The following VEGFB variants were observed in gnomAD, a reference collection of about 807,000 sequenced individuals.
The protein encoded by VEGFB is VEGF-related factor.
Under a neutral mutation model 22.5 loss-of-function variants are expected in VEGFB, and 24 were observed. The ratio of observed to expected loss-of-function variants is 1.07; its 90% confidence interval spans 0.77 to 1.50. VEGFB has a LOEUF of 1.50. Ranked by LOEUF, VEGFB falls within the 40% of genes most tolerant of loss-of-function variation. The pLI is 0.00. For missense variants in VEGFB, 327 were observed against 287.8 expected (o/e 1.14, Z -0.99); for synonymous variants, 141 against 117.4 (o/e 1.20, Z -1.30).
At chr11:64,235,330 CAG>C (rs1473899761) in intron 1 of VEGFB, 126 bp from the exon 2 acceptor site, 1 of 918,788 alleles carries the variant, frequency 1.1e-6, no homozygotes, top group Non-Finnish European at 1.7e-6. Flanking sequence ...GCCGCAGGAA[CAG>C]AGCAATCTGG....
In VEGFB at chr11:64,235,806, C is replaced by T. The variant is rs2029962455; in HGVS notation, c.104-7C>T. 2.5e-6 allele frequency: 4 copies of T among 1,613,634 alleles called. No homozygotes were observed. Among genetic ancestry groups the T allele is most frequent in the East Asian group, 2.2e-5 (1 of 44,894 alleles). On this transcript the variant is annotated splice_region_variant and splice_polypyrimidine_tract_variant and intron_variant, in intron 2 of 6. Transcript: ENST00000309422. Reference sequence around the variant, plus strand: ...TGAGGACTTAACCCCTACCGGTCTGCTCCCAGTGGTGTCATGGATAGATGT... The same window carrying T: ...TGAGGACTTAACCCCTACCGGTCTGTTCCCAGTGGTGTCATGGATAGATGT...
rs59541656 is a variant in VEGFB, at chr11:64,237,085, A to AAGAGAG, written c.375-69_375-64dup. ...GCAAGAAGAGGGAAACACAGTCTCAAAGAGAGAGAGAGAGAGAGAGAGAGA... is the reference window on the plus strand; with the variant it reads ...GCAAGAAGAGGGAAACACAGTCTCAAAGAGAGAGAGAGAGAGAGAGAGAGAGAGAGA... On this transcript the variant is annotated intron_variant, in intron 4 of 6. Coordinates refer to ENST00000309422, the MANE Select transcript of VEGFB (RefSeq NM_003377.5). 343 of 604,476 alleles carry AAGAGAG rather than the reference A, an allele frequency of 5.7e-4. 3 individuals are homozygous for AAGAGAG. In the African/African-American group the frequency reaches 7.2e-3, roughly 13 times the overall value. 37.4% of individuals were successfully genotyped at this position (604,476 alleles called of 1,614,324 possible).
At chr11:64,236,824 A>G (rs1462756968) in intron 4 of VEGFB, among the ~76,000 whole-genome samples, 3 of 149,086 alleles carry the variant, frequency 2.0e-5, no homozygotes, top group African/African-American at 7.3e-5. Flanking sequence ...CACACCTATA[A>G]TCCCAGCACT....
intron 4 of VEGFB, among the ~76,000 whole-genome samples, chr11:64,236,971 T>A (rs1017011570): frequency 1.4e-5 from 2 of 147,462 alleles, no homozygotes; most frequent in East Asian, 2.1e-4. Context: ...TAATCCCAGC[T>A]ACTTGGGAGG....
chr11:64,235,787 CT>C (rs749733450), intron 2 of VEGFB, 25 bp from the exon 3 acceptor site: 8 of 1,612,844 alleles, frequency 5.0e-6, no homozygotes, highest in African/African-American at 2.7e-5. Flanking sequence ...CCAGTGAGGA[CT>C]TAACCCCTAC....
intron 3 of VEGFB, 22 bp from the exon 4 acceptor site, chr11:64,236,232 C>T (rs201445943): frequency 3.7e-6 from 6 of 1,612,746 alleles, no homozygotes; most frequent in East Asian, 2.2e-5. Flanking sequence ...CACTGTCCCC[C>T]CTGTTCTTCT....
At position 64,236,617 on chromosome 11, in the gene VEGFB, T is replaced by C. The variant is rs1388369480; in HGVS notation, c.374+290T>C. On this transcript the variant is annotated intron_variant, in intron 4 of 6. Coordinates refer to ENST00000309422, the MANE Select transcript of VEGFB (RefSeq NM_003377.5). Reference sequence around the variant, plus strand: ...CTGTAGTCCCAGCTACTCCGGAGGCTGAGGCAGGAGAATGGCATGAACCTG... The same window carrying C: ...CTGTAGTCCCAGCTACTCCGGAGGCCGAGGCAGGAGAATGGCATGAACCTG... Among the ~76,000 whole-genome samples, 3 of 147,744 alleles carry C rather than the reference T, an allele frequency of 2.0e-5. No homozygotes were observed. In the East Asian group the frequency reaches 6.0e-4, roughly 30 times the overall value.
intron 3 of VEGFB, 44 bp from the exon 4 acceptor site, chr11:64,236,208 TTC>T: frequency 3.1e-6 from 5 of 1,604,332 alleles, no homozygotes; most frequent in Non-Finnish European, 4.3e-6. Context: ...AGCATCCCCT[TTC>T]TCTCTCTCCC....
rs751841342 is a variant in VEGFB at position 64,237,163 on chromosome 11, G to T, written c.375-24G>T. On this transcript the variant is annotated intron_variant, in intron 4 of 6. Coordinates refer to ENST00000309422, the MANE Select transcript of VEGFB (RefSeq NM_003377.5). ...TTCCTGATCTTCCTCTTGTTTGTCTGTGTCTGTCTATCTTACTTTTCAGAC... is the reference window on the plus strand; with the variant it reads ...TTCCTGATCTTCCTCTTGTTTGTCTTTGTCTGTCTATCTTACTTTTCAGAC... 3.1e-6 allele frequency: 5 copies of T among 1,588,952 alleles called. No homozygotes were observed. The East Asian group carries it at 1.1e-4, about 36-fold the overall frequency.
chr11:64,235,001 G>C (rs1369186317), intron 1 of VEGFB, 108 bp downstream of exon 1: 4 of 958,770 alleles, frequency 4.2e-6, no homozygotes, highest in Non-Finnish European at 5.4e-6. Flanking sequence ...TGCGGGGTCC[G>C]GCCTTGGACG....
In VEGFB at chr11:64,238,611, C is replaced by T. The variant is rs2030264066; in HGVS notation, c.*278C>T. On this transcript the variant is annotated 3_prime_UTR_variant, in exon 7 of 7. Coordinates refer to ENST00000309422, the MANE Select transcript of VEGFB (RefSeq NM_003377.5). ...GACTGGGAGGCAGCAAGAGGGGTCACATACCAGCTCAGGGGAGAATGGAGT... is the reference window on the plus strand; with the variant it reads ...GACTGGGAGGCAGCAAGAGGGGTCATATACCAGCTCAGGGGAGAATGGAGT... 1.7e-6 allele frequency: 1 copy of T among 598,030 alleles called. No individual in the cohort carries two copies. The highest frequency in any genetic ancestry group is 3.0e-5 in the Admixed American group (1 of 33,848). The allele number at this position is 598,030 out of a possible 1,614,324, so 37.0% of individuals were successfully genotyped here.
rs745799154 is a variant in VEGFB, at chr11:64,237,178, A to C, written c.375-9A>C. ...TTGTTTGTCTGTGTCTGTCTATCTT[A>C]CTTTTCAGACCTAAAAAAAAGGACA... On this transcript the variant is annotated splice_polypyrimidine_tract_variant and intron_variant, in intron 4 of 6. Transcript: ENST00000309422. 14 of 1,599,490 alleles carry C rather than the reference A, an allele frequency of 8.8e-6. No homozygotes were observed. The South Asian group carries it at 1.5e-4, about 17-fold the overall frequency.
In VEGFB at chr11:64,237,171, C is replaced by T. The variant is rs12294913; in HGVS notation, c.375-16C>T. 1.3e-6 allele frequency: 2 copies of T among 1,499,452 alleles called. No homozygotes were observed. Among genetic ancestry groups the T allele is most frequent in the African/African-American group, 1.5e-5 (1 of 68,158 alleles). 92.9% of individuals were successfully genotyped at this position (1,499,452 alleles called of 1,614,324 possible). A position where few individuals can be genotyped will look rare whatever the true frequency, so the allele number is the denominator to read the frequency against. On this transcript the variant is annotated splice_polypyrimidine_tract_variant and intron_variant, in intron 4 of 6. Transcript: ENST00000309422. ...CTTCCTCTTGTTTGTCTGTGTCTGT[C>T]TATCTTACTTTTCAGACCTAAAAAA... is the stretch of plus-strand genomic sequence containing the variant.
rs554306439 is a variant in VEGFB at position 64,237,163 on chromosome 11, G to GTGTC, written c.375-18_375-15dup. On this transcript the variant is annotated intron_variant, in intron 4 of 6. Coordinates refer to ENST00000309422, the MANE Select transcript of VEGFB (RefSeq NM_003377.5). ...TTCCTGATCTTCCTCTTGTTTGTCT[G>GTGTC]TGTCTGTCTATCTTACTTTTCAGAC... is the stretch of plus-strand genomic sequence containing the variant. 40 of 1,588,942 alleles carry GTGTC rather than the reference G, an allele frequency of 2.5e-5. No homozygotes were observed. In the East Asian group the frequency reaches 8.2e-4, roughly 32 times the overall value.
rs1391082628 is a variant in VEGFB, at chr11:64,234,763, C to G, written c.-71C>G. On this transcript the variant is annotated 5_prime_UTR_variant, in exon 1 of 7. Transcript: ENST00000309422. The surrounding 1 kb of genome is among the most constrained non-coding windows in gnomAD (Gnocchi z 5.3). Reference sequence around the variant, plus strand: ...CCGGGCCCGCGCCATGGGGCTCTGGCTGTCGCCGCCCCCCGCGCCGCCGGG... The same window carrying G: ...CCGGGCCCGCGCCATGGGGCTCTGGGTGTCGCCGCCCCCCGCGCCGCCGGG... 23 of 683,938 alleles carry G rather than the reference C, an allele frequency of 3.4e-5. 1 individual carries two copies. The African/African-American group carries it at 4.6e-4, about 14-fold the overall frequency. 42.4% of individuals were successfully genotyped at this position (683,938 alleles called of 1,614,324 possible).
intron 4 of VEGFB, among the ~76,000 whole-genome samples, chr11:64,236,744 A>AAAAG (rs2030060924): frequency 1.4e-5 from 2 of 140,538 alleles, no homozygotes; most frequent in African/African-American, 2.6e-5. Flanking sequence ...AAAAAAAAAA[A>AAAAG]GAGTAGAGCC....
In VEGFB at chr11:64,237,074, A is replaced by C; in HGVS notation, c.375-113A>C. ...CTCCAGCCTGGGCAAGAAGAGGGAAACACAGTCTCAAAGAGAGAGAGAGAG... is the reference window on the plus strand; with the variant it reads ...CTCCAGCCTGGGCAAGAAGAGGGAACCACAGTCTCAAAGAGAGAGAGAGAG... On this transcript the variant is annotated intron_variant, in intron 4 of 6. Transcript: ENST00000309422. 2 of 837,164 alleles carry C rather than the reference A, an allele frequency of 2.4e-6. 1 individual carries two copies. Among genetic ancestry groups the C allele is most frequent in the East Asian group, 7.1e-5 (2 of 28,042 alleles). The allele number at this position is 837,164 out of a possible 1,614,324, so 51.9% of individuals were successfully genotyped here.
intron 5 of VEGFB, 29 bp downstream of exon 5, chr11:64,237,251 G>C (rs56271783): frequency 0.041 from 65,083 of 1,596,596 alleles, 1,655 homozygotes; most frequent in Middle Eastern, 0.048. Flanking sequence ...AGCTGAGTAG[G>C]GGTATGGGGA....
intron 5 of VEGFB, 42 bp downstream of exon 5, chr11:64,237,264 A>G: frequency 1.3e-6 from 2 of 1,580,462 alleles, no homozygotes; most frequent in East Asian, 2.2e-5. Context: ...TATGGGGAGT[A>G]CAAGTGAGTC....
Sources: gnomAD v4.1 joint callset for allele counts (sites outside exome capture counted in the v4.1 genomes callset) on GRCh38, gnomAD v4.1.1 for gene constraint, Gnocchi (gnomAD v3.1) non-coding constraint, MANE v1.5 for transcripts, NCBI Gene and HGNC (gene_info 2026-07-23, HGNC 2026-07-21) for gene names.